The following NHLRC2 variants were observed in gnomAD, a reference collection of about 807,000 sequenced individuals.
The protein encoded by NHLRC2 is NHL repeat-containing protein 2.
A neutral mutation model predicts 68.1 loss-of-function variants in NHLRC2; 33 were observed. The ratio of observed to expected loss-of-function variants is 0.48; its 90% CI spans 0.37 to 0.65. The LOEUF (loss-of-function observed/expected upper bound fraction) is 0.65. NHLRC2 is among the 30% of genes least tolerant of loss of function. The probability of loss-of-function intolerance (pLI) is 0.00; values close to 1 mark genes in which losing one functional copy is unlikely to be tolerated. For missense variants in NHLRC2, 761 were observed against 853.8 expected (o/e 0.89, Z 1.35); for synonymous variants, 311 against 309.6 (o/e 1.00, Z -0.05).
At chr10:113,882,589 C>T (rs1198772445) in intron 4 of NHLRC2, among the ~76,000 whole-genome samples, 5 of 151,674 alleles carry the variant, frequency 3.3e-5, no homozygotes, top group African/African-American at 1.2e-4. Context: ...ATTCTAGGTA[C>T]AAGTTCTTTA....
intron 10 of NHLRC2, among the ~76,000 whole-genome samples, chr10:113,906,680 CTTTG>C (rs1181389152): frequency 1.3e-5 from 2 of 152,068 alleles, no homozygotes; most frequent in Non-Finnish European, 2.9e-5. Flanking sequence ...GTATTATTTT[CTTTG>C]TTTGATTTAA....
At chr10:113,906,494 GT>G (rs1233849052) in intron 10 of NHLRC2, among the ~76,000 whole-genome samples, 1 of 150,758 alleles carries the variant, frequency 6.6e-6, no homozygotes, top group African/African-American at 2.4e-5. Flanking sequence ...CCAAATTTTG[GT>G]CTGTATAATC....
chr10:113,879,494 C>T, intron 3 of NHLRC2, 80 bp from the exon 4 acceptor site: 8 of 1,206,412 alleles, frequency 6.6e-6, no homozygotes, highest in Non-Finnish European at 9.4e-6. Flanking sequence ...AAAATCCCAG[C>T]ATTAAATACA....
At position 113,908,314 on chromosome 10, in the gene NHLRC2, T is replaced by C; in HGVS notation, c.1959T>C (p.Ala653=). 6.2e-7 allele frequency: 1 copy of C among 1,613,710 alleles called. No homozygotes were observed. The highest frequency in any genetic ancestry group is 8.5e-7 in the Non-Finnish European group (1 of 1,179,564). ...NEWLLQGQIA[A]GDIENISSQP... ...GGCTACTTCAAGGACAGATAGCAGC[T>C]GGAGATATAGAGAACATTTCCAGTC... Residue 653 remains alanine, a synonymous_variant, in exon 11 of 11, where the codon GCT becomes GCC. Transcript: ENST00000369301.
rs1846293723 is a variant in NHLRC2 at position 113,908,336 on chromosome 10, A to G, written c.1981A>G (p.Ser661Gly). Residue 661 changes from serine (S) to glycine (G), a missense_variant, in exon 11 of 11, where the codon AGT becomes GGT. Physicochemically the swap from Ser to Gly is moderately conservative, Grantham distance 56. Transcript: ENST00000369301. ...AGCTGGAGATATAGAGAACATTTCCAGTCAACCAACAATTTCACTACAAAT... is the reference window on the plus strand; with the variant it reads ...AGCTGGAGATATAGAGAACATTTCCGGTCAACCAACAATTTCACTACAAAT... ...IAAGDIENIS[S>G]QPTISLQIPD... 1 of 1,613,660 alleles carries G rather than the reference A, an allele frequency of 6.2e-7. No homozygotes were observed. The highest frequency in any genetic ancestry group is 8.5e-7 in the Non-Finnish European group (1 of 1,179,526).
At position 113,912,878 on chromosome 10, in the gene NHLRC2, G is replaced by A. The variant is rs895318238; in HGVS notation, c.*4342G>A. ...AGTGGTGGAGCCTTTATTCAGGCAC[G>A]GGTCTCCTCATTCCTAACTCCAAGA... On this transcript the variant is annotated 3_prime_UTR_variant, in exon 11 of 11. Transcript: ENST00000369301. 3 of 152,124 alleles carry A rather than the reference G, an allele frequency of 2.0e-5. No individual in the cohort carries two copies. The highest frequency in any genetic ancestry group is 6.5e-5 in the Admixed American group (1 of 15,268). 9.4% of individuals were successfully genotyped at this position (152,124 alleles called of 1,614,324 possible). A position where few individuals can be genotyped will look rare whatever the true frequency, so the allele number is the denominator to read the frequency against.
chr10:113,889,581 A>G (rs1309252530), intron 5 of NHLRC2, among the ~76,000 whole-genome samples: 1 of 152,170 alleles, frequency 6.6e-6, no homozygotes, highest in Admixed American at 6.6e-5. Flanking sequence ...TTAATTAGGT[A>G]TAATTTATAT....
chr10:113,902,584 C>T lies in NHLRC2; in HGVS notation c.1485C>T (p.Tyr495=). ...ATTTACTTTATGTTGCAGACTCCTA[C>T]AATCACAAGGTGAGTCGTGACAGAA... The part of the protein sequence containing the change: ...KRNLLYVADS[Y]NHKIKVVDPK... The change falls in exon 8 of 11, where the codon TAC becomes TAT. Residue 495 remains tyrosine, a synonymous_variant. Coordinates refer to ENST00000369301, the MANE Select transcript of NHLRC2 (RefSeq NM_198514.4). 1.9e-6 allele frequency: 3 copies of T among 1,602,290 alleles called. No homozygotes were observed. Among genetic ancestry groups the T allele is most frequent in the Non-Finnish European group, 2.6e-6 (3 of 1,176,382 alleles).
In NHLRC2 at chr10:113,916,969, A is replaced by G. The variant is rs1191620822; in HGVS notation, c.*8433A>G. On this transcript the variant is annotated 3_prime_UTR_variant, in exon 11 of 11. Transcript: ENST00000369301. Reference sequence around the variant, plus strand: ...TTTTTGTACAACATTGTATTTCTACATTTATTTCAAGACTGTACTTTTCAG... The same window carrying G: ...TTTTTGTACAACATTGTATTTCTACGTTTATTTCAAGACTGTACTTTTCAG... 6.6e-6 allele frequency: 1 copy of G among 152,184 alleles called. No individual in the cohort carries two copies. 9.4% of individuals were successfully genotyped at this position (152,184 alleles called of 1,614,324 possible).
chr10:113,898,331 A>G lies in NHLRC2; in HGVS notation c.1139+122A>G, dbSNP rs553928233. On this transcript the variant is annotated intron_variant, in intron 6 of 10. Coordinates refer to ENST00000369301, the MANE Select transcript of NHLRC2 (RefSeq NM_198514.4). ...GTGCTAGGTTGTACTGCCATAGCAC[A>G]CAACGCAGATTCTCAGTGACTTAAA... 111 of 567,256 alleles carry G rather than the reference A, an allele frequency of 2.0e-4. 3 individuals carry two copies. The South Asian group carries it at 2.5e-3, about 13-fold the overall frequency. 35.1% of individuals were successfully genotyped at this position (567,256 alleles called of 1,614,324 possible). A position where few individuals can be genotyped will look rare whatever the true frequency, so the allele number is the denominator to read the frequency against.
chr10:113,879,994 A>G (rs1846022429), intron 4 of NHLRC2, among the ~76,000 whole-genome samples: 1 of 152,064 alleles, frequency 6.6e-6, no homozygotes, highest in Non-Finnish European at 1.5e-5. Flanking sequence ...CTAGTTTACA[A>G]TGATCCTTTG....
chr10:113,855,174 C>T (rs1038678065), intron 1 of NHLRC2, 124 bp downstream of exon 1: 110 of 848,164 alleles, frequency 1.3e-4, no homozygotes, highest in Non-Finnish European at 2.6e-5. Flanking sequence ...AGTGGCCCTT[C>T]GCCTAACTTG....
intron 4 of NHLRC2, among the ~76,000 whole-genome samples, chr10:113,881,412 T>G (rs1326934979): frequency 6.6e-6 from 1 of 151,892 alleles, no homozygotes; most frequent in African/African-American, 2.4e-5. Flanking sequence ...AATTTTTTCC[T>G]TTTAAAAATA....
intron 5 of NHLRC2, among the ~76,000 whole-genome samples, chr10:113,893,414 T>C (rs1181054719): frequency 1.3e-5 from 2 of 152,204 alleles, no homozygotes; most frequent in Non-Finnish European, 2.9e-5. Flanking sequence ...TTATTTAGCC[T>C]CTTTGAAGCT....
chr10:113,869,713 C>T lies in NHLRC2; in HGVS notation c.332-6808C>T, dbSNP rs1036725435. On this transcript the variant is annotated intron_variant, in intron 2 of 10. Coordinates refer to ENST00000369301, the MANE Select transcript of NHLRC2 (RefSeq NM_198514.4). ...TAGGAAAATGTGTGATACATGATAA[C>T]ATACTTTATGATAAATATTACATAT... 3.3e-5 allele frequency among the ~76,000 whole-genome samples: 5 copies of T among 152,080 alleles called. No homozygotes were observed. The East Asian group carries it at 7.7e-4, about 23-fold the overall frequency.
At chr10:113,884,415 A>T (rs767316558) in intron 5 of NHLRC2, 35 bp downstream of exon 5, 1 of 1,560,950 alleles carries the variant, frequency 6.4e-7, no homozygotes, top group Non-Finnish European at 8.8e-7. Flanking sequence ...GTAAAGGTAA[A>T]TTTTACTTCA....
chr10:113,888,068 A>G (rs1433638666), intron 5 of NHLRC2, among the ~76,000 whole-genome samples: 1 of 152,206 alleles, frequency 6.6e-6, no homozygotes, highest in Non-Finnish European at 1.5e-5. Flanking sequence ...TATTTCTACA[A>G]AAGAAATTTT....
At chr10:113,862,587 A>T (rs1845827796) in intron 2 of NHLRC2, among the ~76,000 whole-genome samples, 1 of 152,196 alleles carries the variant, frequency 6.6e-6, no homozygotes, top group African/African-American at 2.4e-5. Flanking sequence ...GTCAATAATT[A>T]CTTTAAATGT....
At chr10:113,897,759 TTA>T (rs1488605787) in intron 5 of NHLRC2, among the ~76,000 whole-genome samples, 6 of 152,200 alleles carry the variant, frequency 3.9e-5, no homozygotes, top group African/African-American at 1.4e-4. Flanking sequence ...TTTTAATAGT[TTA>T]TGTCATGTAA....
Sources: gnomAD v4.1 joint callset for allele counts (sites outside exome capture counted in the v4.1 genomes callset) on GRCh38, gnomAD v4.1.1 for gene constraint, MANE v1.5 for transcripts, NCBI Gene and HGNC (gene_info 2026-07-23, HGNC 2026-07-21) for gene names.